Variants in KDM5C observed in about 807,000 individuals in gnomAD.
The protein encoded by KDM5C is lysine demethylase 5C.
In KDM5C, 16 loss-of-function variants were observed where a neutral mutation model predicts 110.6. That is an observed-to-expected ratio of 0.14 (90% CI 0.10 to 0.22). KDM5C has a LOEUF of 0.22. Among genes scored for constraint, KDM5C ranks in the 10% least tolerant of loss-of-function variants. The probability of loss-of-function intolerance (pLI) is 1.00; values close to 1 mark genes in which losing one functional copy is unlikely to be tolerated. For missense variants in KDM5C, 681 were observed against 1,300.9 expected, an observed-to-expected ratio of 0.52 and a Z score of 7.33; for synonymous variants, 511 against 520.4, an observed-to-expected ratio of 0.98 and a Z score of 0.24.
intron 14 of KDM5C, among the ~76,000 whole-genome samples, chrX:53,199,509 A>G (rs1385131825): frequency 1.8e-5 from 2 of 111,937 alleles, no homozygotes; most frequent in African/African-American, 6.5e-5. Context: ...GCCAAGGGAC[A>G]GGCCTGGCTA....
At chrX:53,201,022 A>G (rs1488794407) in intron 14 of KDM5C, among the ~76,000 whole-genome samples, 3 of 112,911 alleles carry the variant, frequency 2.7e-5, no homozygotes, top group Non-Finnish European at 5.6e-5. Flanking sequence ...AACATTACCA[A>G]TAATAGCAGC....
At chrX:53,176,344 A>G (rs782345546) in exon 26 of KDM5C, among the ~76,000 whole-genome samples, 2 of 112,097 alleles carry the variant, frequency 1.8e-5, no homozygotes, top group East Asian at 5.6e-4. Flanking sequence ...TCTCAAATCC[A>G]TCTCTCCAAT....
At chrX:53,218,499 C>A (rs995770754) in intron 2 of KDM5C, 101 bp from the exon 3 acceptor site, 12 of 939,622 alleles carry the variant, frequency 1.3e-5, no homozygotes, top group Non-Finnish European at 1.8e-5. Flanking sequence ...GCACTCCACA[C>A]TTTCACTACC....
chrX:53,182,415 A>G (rs1487662799), intron 25 of KDM5C, among the ~76,000 whole-genome samples: 1 of 102,350 alleles, frequency 9.8e-6, no homozygotes, highest in African/African-American at 3.7e-5. Context: ...TAAACTATAT[A>G]TAACATAAAA....
intron 7 of KDM5C, chrX:53,215,068 G>A (rs2073701413): frequency 1.2e-5 from 6 of 491,739 alleles, no homozygotes; most frequent in African/African-American, 2.3e-5. Context: ...TACTAAACCC[G>A]TATTCAGAAC....
intron 23 of KDM5C, 55 bp downstream of exon 23, chrX:53,194,084 G>T: frequency 8.5e-7 from 1 of 1,172,116 alleles, no homozygotes; most frequent in East Asian, 3.2e-5. Flanking sequence ...GCCTAAACTG[G>T]GGTAGGGGCT....
intron 19 of KDM5C, 78 bp downstream of exon 19, chrX:53,196,608 T>C (rs997796675): frequency 3.6e-6 from 3 of 831,063 alleles, no homozygotes; most frequent in African/African-American, 2.0e-5. Context: ...AGGCCACCCA[T>C]GGGCATCCTC....
rs978484930 is a variant in KDM5C at position 53,210,681 on chromosome X, G to T, written c.1578C>A (p.Leu526=). The T allele has an allele frequency of 3.3e-6, 4 of 1,209,545 alleles. No individual in the cohort carries two copies. The African/African-American group carries it at 7.0e-5, about 21-fold the overall frequency. The change falls in exon 11 of 26, where the codon CTC becomes CTA. Residue 526 remains leucine, a synonymous_variant. Transcript: ENST00000375401. ...EDHWSYSINY[L]HWGEPKTWYG... is the part of the protein sequence containing the mutation. ...CTCCCCAGGGTCCCACTCACCAGTG[G>T]AGGTAGTTAATGGAGTAACTCCAGT...
rs781885224 is a variant in KDM5C at position 53,196,928 on chromosome X, C to T, written c.2739G>A (p.Val913=). 10 of 1,198,825 alleles carry T rather than the reference C, an allele frequency of 8.3e-6. No homozygotes were observed. In the Admixed American group the frequency reaches 1.6e-4, roughly 19 times the overall value. Residue 913 remains valine, a synonymous_variant, in exon 19 of 26, where the codon GTG becomes GTA. Coordinates refer to ENST00000375401, the MANE Select transcript of KDM5C (RefSeq NM_004187.5). The part of the protein sequence containing the change: ...SLLERGRQLG[V]EVPEAQQLQR... Reference sequence around the variant, plus strand: ...GGAGCTGCTGGGCCTCAGGCACCTCCACCCCCAGCTGCCGCCCCCTCTCCA... The same window carrying T: ...GGAGCTGCTGGGCCTCAGGCACCTCTACCCCCAGCTGCCGCCCCCTCTCCA...
In KDM5C at chrX:53,197,942, G is replaced by A. The variant is rs2073013855; in HGVS notation, c.2517-66C>T. The A allele has an allele frequency of 6.0e-6, 5 of 830,177 alleles. No homozygotes were observed. The South Asian group carries it at 6.6e-5, about 11-fold the overall frequency. The allele number at this position is 830,177 out of a possible 1,213,427, so 68.4% of individuals were successfully genotyped here. ...TGCCTTCCCTCCATGTCTATGCTAAGACTGAACACCTTTCCTCACTACACC... is the reference window on the plus strand; with the variant it reads ...TGCCTTCCCTCCATGTCTATGCTAAAACTGAACACCTTTCCTCACTACACC... On this transcript the variant is annotated intron_variant, in intron 17 of 25. Coordinates refer to ENST00000375401, the MANE Select transcript of KDM5C (RefSeq NM_004187.5).
chrX:53,191,636 T>C (rs781789236), downstream of KDM5C: 1 of 172,310 alleles, frequency 5.8e-6, no homozygotes, highest in African/African-American at 3.0e-5. Context: ...TGGAGAAAAA[T>C]CAGGGAATTA....
intron 5 of KDM5C, among the ~76,000 whole-genome samples, chrX:53,216,579 T>TC (rs1301283142): frequency 8.9e-6 from 1 of 112,000 alleles, no homozygotes; most frequent in African/African-American, 3.3e-5. Flanking sequence ...AGGGACAGTG[T>TC]CCATCTTGTT....
chrX:53,203,040 T>A (rs2073196996), intron 12 of KDM5C, among the ~76,000 whole-genome samples: 2 of 110,618 alleles, frequency 1.8e-5, no homozygotes, highest in African/African-American at 6.6e-5. Flanking sequence ...TCTCCTGACC[T>A]CGTGATCCGC....
intron 2 of KDM5C, among the ~76,000 whole-genome samples, chrX:53,220,052 G>T (rs2073854031): frequency 8.9e-6 from 1 of 112,044 alleles, no homozygotes; most frequent in African/African-American, 3.2e-5. Context: ...GAACTTTTAG[G>T]GTATAAGTAT....
chrX:53,212,364 G>GATGCCA, intron 8 of KDM5C: 1 of 142,454 alleles, frequency 7.0e-6, no homozygotes, highest in Non-Finnish European at 1.4e-5. Context: ...GGAGTGCAGG[G>GATGCCA]TCACAATCTC....
rs782454131 is a variant in KDM5C at position 53,194,428 on chromosome X, G to C, written c.3749C>G (p.Ser1250Ter). 8.3e-7 allele frequency: 1 copy of C among 1,210,746 alleles called. No individual in the cohort carries two copies. The highest frequency in any genetic ancestry group is 1.1e-6 in the Non-Finnish European group (1 of 894,722). ...TKFLCPLCMR[S>*]RRPRLETILA... is the part of the protein sequence containing the mutation. ...GATGGTCTCCAGGCGCGGGCGCCTT[G>C]AGCGCATACACAGTGGACACAGGAA... The change falls in exon 23 of 26, where the codon TCA becomes TGA. Residue 1250 changes from serine (S) to a stop codon, truncating the protein, a stop_gained. Transcript: ENST00000375401. LOFTEE classifies it high-confidence loss of function.
At chrX:53,180,818 C>G (rs900302151) in intron 25 of KDM5C, among the ~76,000 whole-genome samples, 4 of 104,385 alleles carry the variant, frequency 3.8e-5, no homozygotes, top group African/African-American at 1.4e-4. Context: ...GCTCCACCCC[C>G]CGGGGGTTCA....
chrX:53,188,065 A>G (rs1556828674), downstream of KDM5C, among the ~76,000 whole-genome samples: 2 of 111,868 alleles, frequency 1.8e-5, no homozygotes. Flanking sequence ...TTACAAAAAA[A>G]CAATTGTCTC....
Position 53,192,859 on chromosome X carries a change from C to CCCCCCCG in KDM5C, c.*107_*108insCGGGGGG. The stretch of plus-strand genomic sequence containing the variant: ...AGGGGTGGGCGGGTAGCAGGGATGG[C>CCCCCCCG]CACCCCCCTACCCGCCCACCCCCCA... On this transcript the variant is annotated 3_prime_UTR_variant, in exon 26 of 26. Transcript: ENST00000375401. The CCCCCCCG allele has an allele frequency of 1.4e-6, 1 of 691,041 alleles. No individual in the cohort carries two copies. The highest frequency in any genetic ancestry group is 3.0e-5 in the South Asian group (1 of 32,923). The allele number at this position is 691,041 out of a possible 1,213,427, so 56.9% of individuals were successfully genotyped here.
Sources: allele counts gnomAD v4.1 joint callset (sites outside exome capture counted in the v4.1 genomes callset), GRCh38; gene constraint gnomAD v4.1.1; transcripts MANE v1.5; gene names NCBI Gene and HGNC (gene_info 2026-07-23, HGNC 2026-07-21).